Variants in PEAK1 observed in about 807,000 individuals in gnomAD.
PEAK1 encodes pseudopodium enriched atypical kinase 1.
PEAK1 carries 54 observed loss-of-function variants against 124.7 expected under a neutral mutation model. The ratio of observed to expected loss-of-function variants is 0.43; its 90% CI spans 0.35 to 0.54. The LOEUF is 0.54. PEAK1 is among the 20% of genes least tolerant of loss of function. The pLI is 0.01. For synonymous variants in PEAK1, 719 were observed against 760.0 expected (o/e 0.95, Z 0.89); for missense variants, 2,046 against 2,134.5 (o/e 0.96, Z 0.82).
At chr15:77,134,827 G>A (rs1301806168) in intron 8 of PEAK1, among the ~76,000 whole-genome samples, 1 of 152,188 alleles carries the variant, frequency 6.6e-6, no homozygotes, top group African/African-American at 2.4e-5. Context: ...TGGTACCTAT[G>A]AATGTGACCT....
intron 1 of PEAK1, chr15:77,401,729 C>T: frequency 7.1e-6 from 7 of 985,088 alleles, no homozygotes; most frequent in Non-Finnish European, 8.4e-6. Context: ...ATTTGGTATA[C>T]ATTAAAGGTG....
intron 6 of PEAK1, among the ~76,000 whole-genome samples, chr15:77,224,895 C>T (rs1389573887): frequency 6.6e-6 from 1 of 151,776 alleles, no homozygotes; most frequent in Non-Finnish European, 1.5e-5. Context: ...TTTCCATTTC[C>T]ACAGCTGCAC....
chr15:77,352,956 T>C, intron 2 of PEAK1: 1 of 985,442 alleles, frequency 1.0e-6, no homozygotes, highest in Non-Finnish European at 1.2e-6. Context: ...TCTCATTAGC[T>C]ACAGAGATGC....
chr15:77,225,875 A>C (rs1156345083), intron 6 of PEAK1, among the ~76,000 whole-genome samples: 1 of 146,942 alleles, frequency 6.8e-6, no homozygotes, highest in African/African-American at 2.5e-5. Context: ...TGTGTATTTC[A>C]TAAGAGAATG....
Position 77,171,963 on chromosome 15 carries a change from T to C in PEAK1, c.3137+6827A>G, listed in dbSNP as rs527764250. On this transcript the variant is annotated intron_variant, in intron 7 of 9. Coordinates refer to ENST00000682557, the MANE Select transcript of PEAK1 (RefSeq NM_001385026.1). ...CTTCTGCATTCAATCTGCTGTGATA[T>C]GTTGCTTTGATTAAAGTATATGAAA... 2.7e-3 allele frequency among the ~76,000 whole-genome samples: 404 copies of C among 152,300 alleles called. 3 individuals are homozygous for C. The highest frequency in any genetic ancestry group is 9.4e-3 in the African/African-American group (389 of 41,584).
chr15:77,403,975 G>T (rs2071592335), intron 1 of PEAK1: 2 of 963,664 alleles, frequency 2.1e-6, no homozygotes, highest in Non-Finnish European at 2.5e-6. Context: ...TGTCACAAGG[G>T]TTTGGTACAG....
At chr15:77,237,431 T>G (rs1042484097) in intron 6 of PEAK1, among the ~76,000 whole-genome samples, 1 of 73,886 alleles carries the variant, frequency 1.4e-5, no homozygotes, top group African/African-American at 3.8e-5. Flanking sequence ...CTATTTAAAC[T>G]TTTTTTTTTT....
chr15:77,333,988 T>C (rs1435829728), intron 2 of PEAK1: 3 of 445,164 alleles, frequency 6.7e-6, no homozygotes, highest in African/African-American at 2.1e-5. Flanking sequence ...ATCAAATTCA[T>C]AGATTTGGGA....
At chr15:77,361,311 A>T (rs951407920) in intron 2 of PEAK1, among the ~76,000 whole-genome samples, 1 of 152,122 alleles carries the variant, frequency 6.6e-6, no homozygotes. Flanking sequence ...ATCGTGGTAC[A>T]TACCTGTAGT....
chr15:77,149,190 C>CT (rs1439459499), intron 8 of PEAK1, among the ~76,000 whole-genome samples: 6 of 152,288 alleles, frequency 3.9e-5, no homozygotes, highest in Middle Eastern at 3.4e-3. Context: ...TCAAATCTAT[C>CT]TTTTTTCCTG....
At chr15:77,372,188 T>C (rs1486669952) in intron 1 of PEAK1, among the ~76,000 whole-genome samples, 2 of 152,204 alleles carry the variant, frequency 1.3e-5, no homozygotes, top group South Asian at 2.1e-4. Flanking sequence ...TGCTCCACTG[T>C]TGTCGATTTG....
At chr15:77,311,685 C>CAAAAAAAAAAAAAAAAAAAAAAAAAAAAA (rs11296386) in intron 2 of PEAK1, among the ~76,000 whole-genome samples, 1 of 85,872 alleles carries the variant, frequency 1.2e-5, no homozygotes, top group Non-Finnish European at 2.2e-5. Context: ...CCAACCCCCA[C>CAAAAAAAAAAAAAAAAAAAAAAAAAAAAA]AAAAAAAAAA....
rs1171257026 is a variant in PEAK1, at chr15:77,419,615, C to G, written c.-666+391G>C. 9.1e-6 allele frequency: 9 copies of G among 985,164 alleles called. No homozygotes were observed. The South Asian group carries it at 1.4e-4, about 15-fold the overall frequency. 61.0% of individuals were successfully genotyped at this position (985,164 alleles called of 1,614,324 possible). On this transcript the variant is annotated intron_variant, in intron 1 of 9. Coordinates refer to ENST00000682557, the MANE Select transcript of PEAK1 (RefSeq NM_001385026.1). ...GAAGCCCCTCCTGCCCCGGCCTCCC[C>G]GCGTCCAGCTCCTCCAGGCTTCACT...
At chr15:77,224,217 G>T (rs1413805503) in intron 6 of PEAK1, among the ~76,000 whole-genome samples, 2 of 151,036 alleles carry the variant, frequency 1.3e-5, no homozygotes, top group Non-Finnish European at 3.0e-5. Context: ...TTTCTAATTA[G>T]ACTCTTCTAC....
chr15:77,155,611 G>A (rs1408131863), intron 8 of PEAK1: 5 of 152,194 alleles, frequency 3.3e-5, no homozygotes, highest in African/African-American at 4.8e-5. Flanking sequence ...CCATCTTTGT[G>A]GTTTTATCTA....
rs746108925 is a variant in PEAK1 at position 77,179,409 on chromosome 15, T to C, written c.2518A>G (p.Thr840Ala). The change falls in exon 7 of 10, where the codon ACC becomes GCC. Residue 840 changes from threonine (T) to alanine (A), a missense_variant. By Grantham distance (58) the Thr-to-Ala change is moderately conservative. Transcript: ENST00000682557. ...EAPQTTDSPT[T>A]KVQKDPSIKP... The stretch of plus-strand genomic sequence containing the variant: ...ATGGATGGGTCTTTCTGTACTTTGG[T>C]GGTAGGACTGTCTGTGGTCTGAGGT... 3.7e-6 allele frequency: 6 copies of C among 1,613,894 alleles called. No individual in the cohort carries two copies. The highest frequency in any genetic ancestry group is 1.7e-6 in the Non-Finnish European group (2 of 1,179,994).
intron 6 of PEAK1, among the ~76,000 whole-genome samples, chr15:77,227,671 T>C (rs1479383556): frequency 6.6e-6 from 1 of 152,114 alleles, no homozygotes; most frequent in Non-Finnish European, 1.5e-5. Flanking sequence ...AGTCCTATGA[T>C]TTAATAATTT....
intron 1 of PEAK1, among the ~76,000 whole-genome samples, chr15:77,416,683 C>T (rs534847129): frequency 9.2e-5 from 14 of 152,172 alleles, no homozygotes; most frequent in Non-Finnish European, 1.6e-4. Flanking sequence ...GCTGTCCACT[C>T]ACCTGCAGCT....
intron 6 of PEAK1, among the ~76,000 whole-genome samples, chr15:77,242,768 A>T (rs958490368): frequency 1.3e-5 from 2 of 152,146 alleles, no homozygotes. Context: ...ATTTTGTCAA[A>T]TTCTCCATAT....
Sources: allele counts gnomAD v4.1 joint callset (sites outside exome capture counted in the v4.1 genomes callset), GRCh38; gene constraint gnomAD v4.1.1; transcripts MANE v1.5; gene names NCBI Gene and HGNC (gene_info 2026-07-23, HGNC 2026-07-21).